F10: variants seen among roughly 807,000 people sequenced by gnomAD.
The protein encoded by F10 is Stuart-Prower factor.
A neutral mutation model predicts 37.1 loss-of-function variants in F10; 29 were observed. The ratio of observed to expected loss-of-function variants is 0.78; its 90% CI spans 0.58 to 1.07. The LOEUF (loss-of-function observed/expected upper bound fraction) is 1.07. Ranked by LOEUF, F10 falls within the 50% of genes least tolerant of loss-of-function variation. F10 has a pLI of 0.00. For synonymous variants in F10, 262 were observed against 268.6 expected (o/e 0.98, Z 0.24); for missense variants, 539 against 667.9 (o/e 0.81, Z 2.13).
chr13:113,137,846 G>C (rs879686428), intron 2 of F10, among the ~76,000 whole-genome samples: 11 of 152,166 alleles, frequency 7.2e-5, no homozygotes, highest in Admixed American at 2.0e-4. Context: ...CACTGACCCA[G>C]CATGATCTCT....
chr13:113,147,851 A>T (rs1166833625), intron 7 of F10, among the ~76,000 whole-genome samples: 1 of 152,000 alleles, frequency 6.6e-6, no homozygotes, highest in Admixed American at 6.5e-5. Context: ...TCTCTTTAAC[A>T]TACTCTGAAC....
intron 1 of F10, among the ~76,000 whole-genome samples, chr13:113,124,645 G>A (rs1008050767): frequency 1.5e-4 from 23 of 152,252 alleles, no homozygotes; most frequent in African/African-American, 4.6e-4. Context: ...ATCAGAATGC[G>A]CACAGCATCT....
chr13:113,138,917 A>T (rs1224954110), intron 3 of F10, among the ~76,000 whole-genome samples: 1 of 152,238 alleles, frequency 6.6e-6, no homozygotes, highest in Non-Finnish European at 1.5e-5. Context: ...CTATCTCTAA[A>T]TGAGATTGTG....
chr13:113,134,166 G>A (rs945434608), intron 2 of F10, among the ~76,000 whole-genome samples: 1 of 152,174 alleles, frequency 6.6e-6, no homozygotes, highest in Non-Finnish European at 1.5e-5. Flanking sequence ...TATACTGGAA[G>A]TCCTAGCTCT....
chr13:113,136,245 AC>A lies in F10; in HGVS notation c.232-2211del, dbSNP rs1385311094. Among the ~76,000 whole-genome samples, 6 of 152,338 alleles carry A rather than the reference AC, an allele frequency of 3.9e-5. No individual in the cohort carries two copies. In the East Asian group the frequency reaches 1.2e-3, roughly 29 times the overall value. ...GACACAGAACAGCGCTGGTTAAGAC[AC>A]GGAGAAAGCAGAACTTTGATACACT... On this transcript the variant is annotated intron_variant, in intron 2 of 7. Transcript: ENST00000375559.
intron 1 of F10, among the ~76,000 whole-genome samples, chr13:113,124,631 T>C (rs2036353172): frequency 2.0e-5 from 3 of 152,232 alleles, no homozygotes; most frequent in Admixed American, 2.0e-4. Context: ...TTGATTTTAA[T>C]AAAATCAGAA....
At position 113,144,264 on chromosome 13, in the gene F10, C is replaced by A; in HGVS notation, c.747+169C>A. 6.6e-6 allele frequency: 7 copies of A among 1,052,742 alleles called. No individual in the cohort carries two copies. The highest frequency in any genetic ancestry group is 8.3e-6 in the Non-Finnish European group (6 of 723,058). The allele number at this position is 1,052,742 out of a possible 1,614,324, so 65.2% of individuals were successfully genotyped here. A position where few individuals can be genotyped will look rare whatever the true frequency, so the allele number is the denominator to read the frequency against. On this transcript the variant is annotated intron_variant, in intron 6 of 7. Transcript: ENST00000375559. This position sits in a 1 kb window ranked among gnomAD's most constrained non-coding sequence, Gnocchi z 6.4. The stretch of plus-strand genomic sequence containing the variant: ...TGCCTGCCTGTCCCCTCCCTCCGGG[C>A]AGCCAAGGAGGCTGTGAGCTCCACA...
chr13:113,140,818 C>T (rs1321487896), intron 4 of F10, 101 bp from the exon 5 acceptor site: 10 of 1,588,398 alleles, frequency 6.3e-6, no homozygotes, highest in Non-Finnish European at 8.6e-6. Context: ...CCAATGGCCG[C>T]TTTGTGGCTG....
chr13:113,140,179 T>C (rs1223189863), intron 4 of F10, among the ~76,000 whole-genome samples: 1 of 149,938 alleles, frequency 6.7e-6, no homozygotes, highest in Non-Finnish European at 1.5e-5. Context: ...GTTCACGCCA[T>C]TCTCCTGCCT....
At chr13:113,134,441 A>C (rs1566917431) in intron 2 of F10, among the ~76,000 whole-genome samples, 1 of 152,224 alleles carries the variant, frequency 6.6e-6, no homozygotes. Context: ...TCTTCTTCAC[A>C]TGGCTGTAGG....
rs1195051824 is a variant in F10 at position 113,146,008 on chromosome 13, C to A, written c.748-1371C>A. 6.6e-6 allele frequency among the ~76,000 whole-genome samples: 1 copy of A among 152,202 alleles called. No homozygotes were observed. Among genetic ancestry groups the A allele is most frequent in the Non-Finnish European group, 1.5e-5 (1 of 68,040 alleles). ...AGCGCCCAAAACCAGAATGTCCTCT[C>A]CTACAAGCAAGAATCTCAGAGCTGC... On this transcript the variant is annotated intron_variant, in intron 6 of 7. Coordinates refer to ENST00000375559, the MANE Select transcript of F10 (RefSeq NM_000504.4). The surrounding 1 kb of genome is among the most constrained non-coding windows in gnomAD (Gnocchi z 4.5).
chr13:113,137,202 G>A (rs1182120987), intron 2 of F10, among the ~76,000 whole-genome samples: 1 of 152,222 alleles, frequency 6.6e-6, no homozygotes, highest in Admixed American at 6.5e-5. Context: ...GATACAACTT[G>A]CATGAATTTC....
intron 1 of F10, among the ~76,000 whole-genome samples, chr13:113,126,412 G>A (rs2036370587): frequency 6.6e-6 from 1 of 152,160 alleles, no homozygotes; most frequent in African/African-American, 2.4e-5. Context: ...CAATCAGCCT[G>A]GGGATGCTCG....
chr13:113,132,570 C>T (rs1264088813), intron 2 of F10, among the ~76,000 whole-genome samples: 1 of 152,192 alleles, frequency 6.6e-6, no homozygotes, highest in Non-Finnish European at 1.5e-5. Context: ...TCACATTCCA[C>T]ACTGCCTCTC....
rs1476574579 is a variant in F10 at position 113,144,903 on chromosome 13, G to A, written c.747+808G>A. Among the ~76,000 whole-genome samples the A allele has an allele frequency of 6.6e-6, 1 of 151,024 alleles. No individual in the cohort carries two copies. Among genetic ancestry groups the A allele is most frequent in the Admixed American group, 6.6e-5 (1 of 15,204 alleles). ...CTAATTTTTTTTTTTTTTTGAGACG[G>A]AGTCTCACTCTGTCGCCCAGGCTGG... is the stretch of plus-strand genomic sequence containing the variant. On this transcript the variant is annotated intron_variant, in intron 6 of 7. Coordinates refer to ENST00000375559, the MANE Select transcript of F10 (RefSeq NM_000504.4). The surrounding 1 kb of genome is among the most constrained non-coding windows in gnomAD (Gnocchi z 6.4).
At position 113,143,861 on chromosome 13, in the gene F10, CT is replaced by C. The variant is rs1296373598; in HGVS notation, c.514del (p.Cys172ValfsTer95). 1 of 1,612,762 alleles carries C rather than the reference CT, an allele frequency of 6.2e-7. No homozygotes were observed. Among genetic ancestry groups the C allele is most frequent in the South Asian group, 1.1e-5 (1 of 91,080 alleles). On this transcript the variant is annotated frameshift_variant, in exon 6 of 8. Coordinates refer to ENST00000375559, the MANE Select transcript of F10 (RefSeq NM_000504.4). LOFTEE classifies it high-confidence loss of function. The surrounding 1 kb of genome is among the most constrained non-coding windows in gnomAD (Gnocchi z 6.8). ...TCCTCTTTCTTTCAGGGCCCTACCC[CT>C]GTGGGAAACAGACCCTGGAACGCAG... ...KACIPTGPYP[C>X]GKQTLERRKR...
chr13:113,125,143 G>A (rs2036358695), intron 1 of F10, among the ~76,000 whole-genome samples: 1 of 152,204 alleles, frequency 6.6e-6, no homozygotes, highest in Non-Finnish European at 1.5e-5. Context: ...GAATTTGGAG[G>A]GACATTATTC....
rs765632531 is a variant in F10 at position 113,148,914 on chromosome 13, A to C, written c.866-2A>C. 1.2e-6 allele frequency: 2 copies of C among 1,613,284 alleles called. No individual in the cohort carries two copies. The highest frequency in any genetic ancestry group is 1.1e-5 in the South Asian group (1 of 91,074). On this transcript the variant is annotated splice_acceptor_variant, in intron 7 of 7. Coordinates refer to ENST00000375559, the MANE Select transcript of F10 (RefSeq NM_000504.4). LOFTEE classifies it high-confidence loss of function. ...GAGCACAGTCCCACTCGTCTGTCCC[A>C]GGGGACCGGAACACGGAGCAGGAGG... is the stretch of plus-strand genomic sequence containing the variant.
intron 1 of F10, among the ~76,000 whole-genome samples, chr13:113,127,030 G>T (rs1449985065): frequency 1.3e-5 from 2 of 152,182 alleles, no homozygotes; most frequent in Non-Finnish European, 2.9e-5. Flanking sequence ...AGCGTTGGTG[G>T]GATAATGTCG....
Sources: allele counts gnomAD v4.1 joint callset (sites outside exome capture counted in the v4.1 genomes callset), GRCh38; gene constraint gnomAD v4.1.1; non-coding constraint Gnocchi (gnomAD v3.1); transcripts MANE v1.5; gene names NCBI Gene and HGNC (gene_info 2026-07-23, HGNC 2026-07-21).